The following KCNQ1OT1 variants were observed in gnomAD, a reference collection of about 807,000 sequenced individuals.
KCNQ1OT1 encodes the protein KCNQ1 opposite strand/antisense transcript 1, also known as KCNQ1 antisense RNA 2 (non-protein coding).
At chr11:2,610,394 A>C in exon 1 of KCNQ1OT1, 1 of 398,362 alleles carries the variant, frequency 2.5e-6, no homozygotes, top group Non-Finnish European at 4.4e-6. Flanking sequence ...AAGGAGAGCA[A>C]GTATATATTT....
Position 2,664,609 on chromosome 11 carries a change from C to T in KCNQ1OT1, n.35386G>A, listed in dbSNP as rs1002259659. 44 of 398,610 alleles carry T rather than the reference C, an allele frequency of 1.1e-4. No homozygotes were observed. The highest frequency in any genetic ancestry group is 7.6e-4 in the South Asian group (6 of 7,868). The allele number at this position is 398,610 out of a possible 1,614,324, so 24.7% of individuals were successfully genotyped here. On this transcript the variant is annotated non_coding_transcript_exon_variant, in exon 1 of 1. Transcript: ENST00000597346. This position sits in a 1 kb window ranked among gnomAD's most constrained non-coding sequence, Gnocchi z 5.1. ...TGCATTCCTCCACCTCCTGCACAGC[C>T]CGCCCAGTGATGCCCATAATTAAAT...
chr11:2,667,073 G>A (rs1355854930), exon 1 of KCNQ1OT1: 1 of 398,632 alleles, frequency 2.5e-6, no homozygotes. Context: ...AATGCACGGG[G>A]GGATTAAATG....
Position 2,627,510 on chromosome 11 carries a change from C to A in KCNQ1OT1, n.72485G>T. The A allele has an allele frequency of 2.5e-6, 1 of 398,482 alleles. No homozygotes were observed. Among genetic ancestry groups the A allele is most frequent in the South Asian group, 1.3e-4 (1 of 7,834 alleles). The allele number at this position is 398,482 out of a possible 1,614,324, so 24.7% of individuals were successfully genotyped here. A position where few individuals can be genotyped will look rare whatever the true frequency, so the allele number is the denominator to read the frequency against. On this transcript the variant is annotated non_coding_transcript_exon_variant, in exon 1 of 1. Coordinates refer to ENST00000597346, the Ensembl canonical transcript of KCNQ1OT1. The surrounding 1 kb of genome is among the most constrained non-coding windows in gnomAD (Gnocchi z 4.9). ...CTTCTACTCTCCGTTTCTCTGAGTTCAAGCTTTTTAGAATTCCATATGTAA... is the reference window on the plus strand; with the variant it reads ...CTTCTACTCTCCGTTTCTCTGAGTTAAAGCTTTTTAGAATTCCATATGTAA...
At chr11:2,667,175 G>A in exon 1 of KCNQ1OT1, 2 of 398,672 alleles carry the variant, frequency 5.0e-6, no homozygotes, top group East Asian at 3.6e-5. Context: ...CTTCCAGCCT[G>A]CCATCAGCCC....
In KCNQ1OT1 at chr11:2,651,766, G is replaced by C. The variant is rs1256120056; in HGVS notation, n.48229C>G. On this transcript the variant is annotated non_coding_transcript_exon_variant, in exon 1 of 1. Coordinates refer to ENST00000597346, the Ensembl canonical transcript of KCNQ1OT1. The surrounding 1 kb of genome is among the most constrained non-coding windows in gnomAD (Gnocchi z 6.1). ...TCTGATTACTGGAAATTCCTCAAGT[G>C]TTGACCATTTTGATTCCTGGGCCCC... 1.0e-5 allele frequency: 4 copies of C among 398,508 alleles called. No individual in the cohort carries two copies. The highest frequency in any genetic ancestry group is 1.8e-5 in the Non-Finnish European group (4 of 226,108). The allele number at this position is 398,508 out of a possible 1,614,324, so 24.7% of individuals were successfully genotyped here. A position where few individuals can be genotyped will look rare whatever the true frequency, so the allele number is the denominator to read the frequency against.
exon 1 of KCNQ1OT1, chr11:2,667,337 T>C: frequency 7.5e-6 from 3 of 398,626 alleles, no homozygotes; most frequent in Non-Finnish European, 1.3e-5. Context: ...CAGTGAGGCT[T>C]CTCATTTCCT....
At position 2,612,058 on chromosome 11, in the gene KCNQ1OT1, A is replaced by C. The variant is rs1236722310; in HGVS notation, n.87937T>G. The C allele has an allele frequency of 5.0e-6, 2 of 398,500 alleles. No homozygotes were observed. Among genetic ancestry groups the C allele is most frequent in the Non-Finnish European group, 8.8e-6 (2 of 226,074 alleles). The allele number at this position is 398,500 out of a possible 1,614,324, so 24.7% of individuals were successfully genotyped here. A position where few individuals can be genotyped will look rare whatever the true frequency, so the allele number is the denominator to read the frequency against. Reference sequence around the variant, plus strand: ...TACTCTTAATTACATATATGTTACAACTTAATTACACATACATTGTTACAC... The same window carrying C: ...TACTCTTAATTACATATATGTTACACCTTAATTACACATACATTGTTACAC... On this transcript the variant is annotated non_coding_transcript_exon_variant, in exon 1 of 1. Coordinates refer to ENST00000597346, the Ensembl canonical transcript of KCNQ1OT1. The surrounding 1 kb of genome is among the most constrained non-coding windows in gnomAD (Gnocchi z 5.5).
Position 2,659,923 on chromosome 11 carries a change from A to T in KCNQ1OT1, n.40072T>A. Reference sequence around the variant, plus strand: ...TATTGTCAAGTTGTAAGCATTCTTTATATATTCTGAGTGCAAGTCCTTGAC... The same window carrying T: ...TATTGTCAAGTTGTAAGCATTCTTTTTATATTCTGAGTGCAAGTCCTTGAC... On this transcript the variant is annotated non_coding_transcript_exon_variant, in exon 1 of 1. Transcript: ENST00000597346. This position sits in a 1 kb window ranked among gnomAD's most constrained non-coding sequence, Gnocchi z 4.3. The T allele has an allele frequency of 2.5e-6, 1 of 398,354 alleles. No individual in the cohort carries two copies. The allele number at this position is 398,354 out of a possible 1,614,324, so 24.7% of individuals were successfully genotyped here.
At chr11:2,615,654 C>G (rs1175191006) in exon 1 of KCNQ1OT1, 2 of 397,832 alleles carry the variant, frequency 5.0e-6, no homozygotes, top group Non-Finnish European at 8.9e-6. Flanking sequence ...GATTTTTTAT[C>G]CTTCATTGTA....
chr11:2,689,002 T>TCCCTGGGTTGGAATCCTGGAG, exon 1 of KCNQ1OT1: 1 of 398,678 alleles, frequency 2.5e-6, no homozygotes, highest in East Asian at 3.6e-5. Context: ...AGCCTGCAGG[T>TCCCTGGGTTGGAATCCTGGAG]CCCTGGGTTG....
exon 1 of KCNQ1OT1, chr11:2,619,126 G>C (rs1455580211): frequency 7.5e-6 from 3 of 398,360 alleles, no homozygotes; most frequent in African/African-American, 2.1e-5. Context: ...TTCATATAAA[G>C]ATAATATTAC....
At chr11:2,636,737 T>C (rs1408942511) in exon 1 of KCNQ1OT1, 1 of 152,250 alleles carries the variant, frequency 6.6e-6, no homozygotes, top group Non-Finnish European at 1.5e-5. Context: ...TTTCTATTGT[T>C]TGGAATAGTT....
exon 1 of KCNQ1OT1, chr11:2,694,006 C>T: frequency 5.0e-6 from 2 of 398,710 alleles, no homozygotes; most frequent in Middle Eastern, 6.3e-4. Context: ...CTCTAGGCCA[C>T]CTCCAACTTG....
At position 2,676,704 on chromosome 11, in the gene KCNQ1OT1, G is replaced by C. The variant is rs546405598; in HGVS notation, n.23291C>G. ...GCACTAACTGGACTACAGCCTGGCA[G>C]GAGATAACCAAGTCATATGCATAGT... On this transcript the variant is annotated non_coding_transcript_exon_variant, in exon 1 of 1. Coordinates refer to ENST00000597346, the Ensembl canonical transcript of KCNQ1OT1. This position sits in a 1 kb window ranked among gnomAD's most constrained non-coding sequence, Gnocchi z 4.2. 8.8e-5 allele frequency: 35 copies of C among 398,652 alleles called. 1 individual carries two copies. Among genetic ancestry groups the C allele is most frequent in the African/African-American group, 7.2e-4 (35 of 48,750 alleles). 24.7% of individuals were successfully genotyped at this position (398,652 alleles called of 1,614,324 possible).
In KCNQ1OT1 at chr11:2,651,502, G is replaced by T. The variant is rs12422173; in HGVS notation, n.48493C>A. The T allele has an allele frequency of 0.26, 102,349 of 398,548 alleles. 15,656 individuals carry two copies. Among genetic ancestry groups the T allele is most frequent in the Non-Finnish European group, 0.33 (74,886 of 226,086 alleles). The allele number at this position is 398,548 out of a possible 1,614,324, so 24.7% of individuals were successfully genotyped here. A position where few individuals can be genotyped will look rare whatever the true frequency, so the allele number is the denominator to read the frequency against. ...GGGCTTGCATTAAGAAGCTGTCAGT[G>T]TGAAGAACGTGAATGCTAAGGGCAT... On this transcript the variant is annotated non_coding_transcript_exon_variant, in exon 1 of 1. Transcript: ENST00000597346. This position sits in a 1 kb window ranked among gnomAD's most constrained non-coding sequence, Gnocchi z 6.1.
Position 2,658,398 on chromosome 11 carries a change from T to C in KCNQ1OT1, n.41597A>G, listed in dbSNP as rs996813877. ...TTTTGAGTTATAGTCCAATATTATTTATTTTGTTGCTCAAATTGTTCAAGC... is the reference window on the plus strand; with the variant it reads ...TTTTGAGTTATAGTCCAATATTATTCATTTTGTTGCTCAAATTGTTCAAGC... On this transcript the variant is annotated non_coding_transcript_exon_variant, in exon 1 of 1. Coordinates refer to ENST00000597346, the Ensembl canonical transcript of KCNQ1OT1. This position sits in a 1 kb window ranked among gnomAD's most constrained non-coding sequence, Gnocchi z 4.9. 2.5e-6 allele frequency: 1 copy of C among 398,632 alleles called. No homozygotes were observed. Among genetic ancestry groups the C allele is most frequent in the Middle Eastern group, 6.3e-4 (1 of 1,588 alleles). 24.7% of individuals were successfully genotyped at this position (398,632 alleles called of 1,614,324 possible). A position where few individuals can be genotyped will look rare whatever the true frequency, so the allele number is the denominator to read the frequency against.
chr11:2,698,774 C>A lies in KCNQ1OT1; in HGVS notation n.1221G>T. 5.0e-6 allele frequency: 2 copies of A among 398,788 alleles called. No homozygotes were observed. Among genetic ancestry groups the A allele is most frequent in the South Asian group, 1.3e-4 (1 of 7,844 alleles). The allele number at this position is 398,788 out of a possible 1,614,324, so 24.7% of individuals were successfully genotyped here. On this transcript the variant is annotated non_coding_transcript_exon_variant, in exon 1 of 1. Transcript: ENST00000597346. The surrounding 1 kb of genome is among the most constrained non-coding windows in gnomAD (Gnocchi z 5.1). ...CAGAGCCATGATGCAGACTCCAGACCGGGATTCAGGTCCCCAACTCAGACT... is the reference window on the plus strand; with the variant it reads ...CAGAGCCATGATGCAGACTCCAGACAGGGATTCAGGTCCCCAACTCAGACT...
exon 1 of KCNQ1OT1, chr11:2,655,892 T>C (rs901948201): frequency 5.0e-6 from 2 of 398,634 alleles, no homozygotes; most frequent in South Asian, 2.5e-4. Flanking sequence ...CCCCTTGTTA[T>C]AGGGGCCCCA....
In KCNQ1OT1 at chr11:2,645,212, A is replaced by C; in HGVS notation, n.54783T>G. On this transcript the variant is annotated non_coding_transcript_exon_variant, in exon 1 of 1. Coordinates refer to ENST00000597346, the Ensembl canonical transcript of KCNQ1OT1. The surrounding 1 kb of genome is among the most constrained non-coding windows in gnomAD (Gnocchi z 5.8). ...GGGATAAGCTGGATGAGCTTGTCCC[A>C]AGGCCCACAGGTGGCAAATTCAAGT... is the stretch of plus-strand genomic sequence containing the variant. 1.0e-5 allele frequency: 4 copies of C among 398,712 alleles called. No individual in the cohort carries two copies. The highest frequency in any genetic ancestry group is 1.8e-5 in the Non-Finnish European group (4 of 226,136). The allele number at this position is 398,712 out of a possible 1,614,324, so 24.7% of individuals were successfully genotyped here. A position where few individuals can be genotyped will look rare whatever the true frequency, so the allele number is the denominator to read the frequency against.
Sources: allele counts gnomAD v4.1 joint callset, GRCh38; gene constraint gnomAD v4.1.1; non-coding constraint Gnocchi (gnomAD v3.1); transcripts MANE v1.5; gene names NCBI Gene and HGNC (gene_info 2026-07-23, HGNC 2026-07-21).